LDB2: variants seen among roughly 807,000 people sequenced by gnomAD.
LDB2 encodes the protein LIM domain binding 2, also known as LIM domain-binding protein 2.
In LDB2, 12 loss-of-function variants were observed where a neutral mutation model predicts 44.3. The observed-to-expected ratio is 0.27, with a 90% confidence interval of 0.17 to 0.44. The LOEUF is 0.44. Among genes scored for constraint, LDB2 ranks in the 20% least tolerant of loss-of-function variants. The probability of loss-of-function intolerance (pLI) is 1.00; values close to 1 mark genes in which losing one functional copy is unlikely to be tolerated. For synonymous variants in LDB2, 164 were observed against 174.8 expected, an observed-to-expected ratio of 0.94 and a Z score of 0.49; for missense variants, 344 against 473.5, an observed-to-expected ratio of 0.73 and a Z score of 2.54.
intron 1 of LDB2, among the ~76,000 whole-genome samples, chr4:16,785,384 C>G (rs1272943486): frequency 6.6e-6 from 1 of 152,026 alleles, no homozygotes; most frequent in Non-Finnish European, 1.5e-5. Context: ...GAGGAAAGGG[C>G]CATATTCCCT....
chr4:16,854,840 G>A (rs2110211080), intron 1 of LDB2, among the ~76,000 whole-genome samples: 1 of 151,996 alleles, frequency 6.6e-6, no homozygotes, highest in East Asian at 1.9e-4. Context: ...TTCATACACT[G>A]TGGCATTTTA....
intron 1 of LDB2, among the ~76,000 whole-genome samples, chr4:16,800,106 G>T (rs1418284523): frequency 6.6e-6 from 1 of 151,668 alleles, no homozygotes; most frequent in East Asian, 1.9e-4. Flanking sequence ...AACAAATATA[G>T]ATTTCCAGAA....
intron 5 of LDB2, among the ~76,000 whole-genome samples, chr4:16,556,235 A>T (rs1174002014): frequency 6.6e-6 from 1 of 152,140 alleles, no homozygotes; most frequent in South Asian, 2.1e-4. Flanking sequence ...AAGAGCAGGA[A>T]TGTATTTGTT....
chr4:16,720,625 T>C (rs1758066146), intron 2 of LDB2, among the ~76,000 whole-genome samples: 1 of 152,144 alleles, frequency 6.6e-6, no homozygotes, highest in Admixed American at 6.6e-5. Flanking sequence ...TCAAGGTCAA[T>C]TGGTTCAATT....
intron 5 of LDB2, among the ~76,000 whole-genome samples, chr4:16,525,553 G>C (rs1050299829): frequency 6.6e-6 from 1 of 152,196 alleles, no homozygotes; most frequent in East Asian, 1.9e-4. Context: ...CAGAGGTTGT[G>C]GTTCAATTAT....
intron 5 of LDB2, among the ~76,000 whole-genome samples, chr4:16,531,866 T>C (rs547829363): frequency 6.6e-6 from 1 of 152,214 alleles, no homozygotes. Context: ...TTCCAGACAT[T>C]GTGTAAGGAA....
At chr4:16,805,611 G>A (rs1237481803) in intron 1 of LDB2, among the ~76,000 whole-genome samples, 1 of 152,186 alleles carries the variant, frequency 6.6e-6, no homozygotes, top group Non-Finnish European at 1.5e-5. Context: ...ATGGGTATGA[G>A]GGAAGGCTTG....
At chr4:16,773,005 GAGA>G (rs1191585373) in intron 1 of LDB2, among the ~76,000 whole-genome samples, 1 of 152,352 alleles carries the variant, frequency 6.6e-6, no homozygotes, top group Non-Finnish European at 1.5e-5. Flanking sequence ...TAGTGAGGTT[GAGA>G]AGAATTATTT....
At chr4:16,630,096 A>C (rs1218587325) in intron 2 of LDB2, among the ~76,000 whole-genome samples, 2 of 152,198 alleles carry the variant, frequency 1.3e-5, no homozygotes, top group Non-Finnish European at 2.9e-5. Context: ...AACACCACAA[A>C]GATACTCCCT....
chr4:16,739,619 CATGTGTGTGTATATATGTATATAT>C (rs1762639965), intron 2 of LDB2, among the ~76,000 whole-genome samples: 1 of 40,598 alleles, frequency 2.5e-5, no homozygotes, highest in African/African-American at 1.2e-4. Context: ...TGTATATATA[CATGTGTGTGTATATATGTATATAT>C]ACATATGTGT....
intron 2 of LDB2, among the ~76,000 whole-genome samples, chr4:16,715,429 T>C (rs1756877315): frequency 6.6e-6 from 1 of 152,220 alleles, no homozygotes; most frequent in African/African-American, 2.4e-5. Context: ...ACTATAGATG[T>C]CAACATGATT....
intron 2 of LDB2, among the ~76,000 whole-genome samples, chr4:16,611,244 C>T (rs181904089): frequency 3.8e-3 from 580 of 152,288 alleles, no homozygotes; most frequent in Non-Finnish European, 7.1e-3. Context: ...AAAACCAGTA[C>T]CAGCCACTGC....
intron 1 of LDB2, among the ~76,000 whole-genome samples, chr4:16,791,295 A>G (rs486774): frequency 0.8 from 121,687 of 151,510 alleles, 50,223 homozygotes; most frequent in South Asian, 0.92. Context: ...GGTGACTCAC[A>G]CCTGTAATCC....
intron 2 of LDB2, among the ~76,000 whole-genome samples, chr4:16,657,166 T>G (rs1740110602): frequency 6.6e-6 from 1 of 152,182 alleles, no homozygotes; most frequent in East Asian, 1.9e-4. Flanking sequence ...AAAAGACATT[T>G]CTTCTCAACA....
intron 2 of LDB2, among the ~76,000 whole-genome samples, chr4:16,657,601 G>A (rs1740266142): frequency 6.6e-6 from 1 of 152,132 alleles, no homozygotes; most frequent in Non-Finnish European, 1.5e-5. Context: ...GACCACTGTT[G>A]TCATATCTAA....
intron 1 of LDB2, among the ~76,000 whole-genome samples, chr4:16,785,946 C>T (rs1021575795): frequency 6.6e-6 from 1 of 152,090 alleles, no homozygotes; most frequent in African/African-American, 2.4e-5. Flanking sequence ...AGACTCTCCC[C>T]AAAATGAATT....
At chr4:16,567,413 C>CGT (rs926400033) in intron 5 of LDB2, among the ~76,000 whole-genome samples, 2 of 147,942 alleles carry the variant, frequency 1.4e-5, no homozygotes, top group South Asian at 2.1e-4. Context: ...TGTGTGCATG[C>CGT]GTGTGTGTGT....
At chr4:16,697,500 T>C (rs1171213843) in intron 2 of LDB2, among the ~76,000 whole-genome samples, 1 of 151,670 alleles carries the variant, frequency 6.6e-6, no homozygotes, top group South Asian at 2.1e-4. Context: ...CCTGTGAAAT[T>C]CCCCACCACG....
At chr4:16,630,793 C>T (rs572519267) in intron 2 of LDB2, among the ~76,000 whole-genome samples, 8 of 152,112 alleles carry the variant, frequency 5.3e-5, no homozygotes, top group Non-Finnish European at 1.2e-4. Context: ...CAATCCTGGT[C>T]TCTGATAAAA....
Sources: gnomAD v4.1 joint callset for allele counts (sites outside exome capture counted in the v4.1 genomes callset) on GRCh38, gnomAD v4.1.1 for gene constraint, MANE v1.5 for transcripts, NCBI Gene and HGNC (gene_info 2026-07-23, HGNC 2026-07-21) for gene names.